The following SH3GL3 variants were observed in gnomAD, a reference collection of about 807,000 sequenced individuals.
SH3GL3 encodes the protein SH3 domain containing GRB2 like 3, endophilin A3, also known as endophilin-A3.
A neutral mutation model predicts 47.7 loss-of-function variants in SH3GL3; 33 were observed. That is an observed-to-expected ratio of 0.69 (90% CI 0.52 to 0.92). The LOEUF (loss-of-function observed/expected upper bound fraction) is 0.92. Among genes scored for constraint, SH3GL3 ranks in the 40% least tolerant of loss-of-function variants. The pLI is 0.00. For missense variants in SH3GL3, 363 were observed against 417.8 expected (o/e 0.87, Z 1.14); for synonymous variants, 155 against 148.8 (o/e 1.04, Z -0.30).
At chr15:83,522,207 G>C (rs187602022) in intron 1 of SH3GL3, among the ~76,000 whole-genome samples, 2 of 152,270 alleles carry the variant, frequency 1.3e-5, no homozygotes, top group Admixed American at 1.3e-4. Flanking sequence ...AGAGTTGAGG[G>C]AAGGGTTGAA....
intron 6 of SH3GL3, among the ~76,000 whole-genome samples, chr15:83,580,747 C>G (rs2059808509): frequency 6.6e-6 from 1 of 152,188 alleles, no homozygotes; most frequent in Non-Finnish European, 1.5e-5. Context: ...GCCCGCCTGT[C>G]TTACCACCCA....
intron 1 of SH3GL3, among the ~76,000 whole-genome samples, chr15:83,546,231 G>A (rs550762650): frequency 2.0e-5 from 3 of 151,592 alleles, no homozygotes; most frequent in South Asian, 2.1e-4. Context: ...TGGCTGAGCC[G>A]CTACCCAAGT....
intron 8 of SH3GL3, among the ~76,000 whole-genome samples, chr15:83,602,176 T>C (rs1315712179): frequency 6.6e-6 from 1 of 152,114 alleles, no homozygotes; most frequent in East Asian, 1.9e-4. Context: ...GGTTAGATAT[T>C]TCCTCTTACA....
At chr15:83,631,866 A>G in the SH3GL3 span, among the ~76,000 whole-genome samples, 1 of 152,210 alleles carries the variant, frequency 6.6e-6, no homozygotes, top group Admixed American at 6.5e-5. Context: ...TATTGCTTAT[A>G]CAAATTTCTG....
downstream of SH3GL3, among the ~76,000 whole-genome samples, chr15:83,623,051 T>G (rs2060919283): frequency 1.3e-5 from 2 of 152,238 alleles, no homozygotes; most frequent in African/African-American, 2.4e-5. Context: ...TCCTCTGCTA[T>G]TTCCCCCAGA....
chr15:83,607,153 T>G (rs960019958), intron 8 of SH3GL3, among the ~76,000 whole-genome samples: 1 of 152,230 alleles, frequency 6.6e-6, no homozygotes, highest in Non-Finnish European at 1.5e-5. Context: ...ATTTTGACTT[T>G]GCTGAAATGA....
rs910419812 is a variant in SH3GL3, at chr15:83,463,767, C to CTTTTT, written c.45+16204_45+16208dup. On this transcript the variant is annotated intron_variant, in intron 1 of 8. Transcript: ENST00000427482. Reference sequence around the variant, plus strand: ...TGTCCCATGTCTGCTTTCTTTCTTTCTTTTTTTTTTTTTTTTTTTGAGACA... The same window carrying CTTTTT: ...TGTCCCATGTCTGCTTTCTTTCTTTCTTTTTTTTTTTTTTTTTTTTTTTTGAGACA... Among the ~76,000 whole-genome samples, 47 of 122,902 alleles carry CTTTTT rather than the reference C, an allele frequency of 3.8e-4. 1 individual carries two copies. The highest frequency in any genetic ancestry group is 1.2e-3 in the African/African-American group (36 of 30,954). The allele number at this position is 122,902 out of a possible 152,430, so 80.6% of individuals were successfully genotyped here.
At chr15:83,575,618 G>T (rs187712905) in intron 5 of SH3GL3, among the ~76,000 whole-genome samples, 269 of 152,318 alleles carry the variant, frequency 1.8e-3, no homozygotes, top group Non-Finnish European at 3.1e-3. Flanking sequence ...TAGAGGTACA[G>T]AGGGATTAGG....
At chr15:83,623,555 GGCCTGCTACCATCTCACAGGCTGC>G (rs987511035), downstream of SH3GL3, among the ~76,000 whole-genome samples, 17 of 152,196 alleles carry the variant, frequency 1.1e-4, no homozygotes, top group African/African-American at 3.4e-4. Context: ...TCACAGGCTG[GGCCTGCTACCATCTCACAGGCTGC>G]GCCTGCTACC....
intron 1 of SH3GL3, among the ~76,000 whole-genome samples, chr15:83,552,135 G>T (rs563136040): frequency 2.6e-5 from 4 of 152,138 alleles, no homozygotes; most frequent in Non-Finnish European, 4.4e-5. Flanking sequence ...TTTCCAGTGG[G>T]CCTGTGAGAG....
At chr15:83,590,068 T>G (rs553711493) in intron 8 of SH3GL3, among the ~76,000 whole-genome samples, 1 of 152,332 alleles carries the variant, frequency 6.6e-6, no homozygotes, top group South Asian at 2.1e-4. Context: ...TGTATTTCCT[T>G]ATGTCTGAAT....
intron 1 of SH3GL3, among the ~76,000 whole-genome samples, chr15:83,508,805 A>G (rs2042625222): frequency 6.6e-6 from 1 of 152,184 alleles, no homozygotes; most frequent in Admixed American, 6.5e-5. Context: ...CATGTTGGCC[A>G]GGATGGTCTT....
At chr15:83,492,819 A>G (rs546818152) in intron 1 of SH3GL3, among the ~76,000 whole-genome samples, 1 of 152,098 alleles carries the variant, frequency 6.6e-6, no homozygotes, top group East Asian at 1.9e-4. Context: ...GCAGTAACGA[A>G]CCCTTTGTTG....
chr15:83,568,705 AGAAC>A, intron 4 of SH3GL3, 33 bp downstream of exon 4: 1 of 1,571,818 alleles, frequency 6.4e-7, no homozygotes, highest in Non-Finnish European at 8.8e-7. Flanking sequence ...GGGGGAGCTG[AGAAC>A]TCCTCCAGTA....
intron 1 of SH3GL3, among the ~76,000 whole-genome samples, chr15:83,465,044 A>T (rs2040502788): frequency 6.7e-6 from 1 of 149,996 alleles, no homozygotes; most frequent in African/African-American, 2.4e-5. Context: ...AAAACAGCTC[A>T]TGTGGGAAAA....
At chr15:83,571,435 C>A (rs2045812164) in intron 4 of SH3GL3, among the ~76,000 whole-genome samples, 1 of 152,152 alleles carries the variant, frequency 6.6e-6, no homozygotes, top group African/African-American at 2.4e-5. Flanking sequence ...ATTATTTAGA[C>A]ACACTTTGGA....
chr15:83,464,949 A>T (rs143339614), intron 1 of SH3GL3, among the ~76,000 whole-genome samples: 2 of 151,484 alleles, frequency 1.3e-5, no homozygotes, highest in African/African-American at 4.8e-5. Flanking sequence ...CATATGTAAC[A>T]AACCTGCACA....
At chr15:83,464,204 C>G (rs2040455510) in intron 1 of SH3GL3, among the ~76,000 whole-genome samples, 1 of 152,168 alleles carries the variant, frequency 6.6e-6, no homozygotes. Flanking sequence ...CTCTCAACAG[C>G]ATTTGACCCA....
Position 83,604,468 on chromosome 15 carries a change from TG to T in SH3GL3, c.839-13613del, listed in dbSNP as rs143885643. 0.013 allele frequency among the ~76,000 whole-genome samples: 1,999 copies of T among 152,266 alleles called. 195 individuals are homozygous for T. The East Asian group carries it at 0.27, about 21-fold the overall frequency. ...AGCCTTATAAAAATGAAAAGGTATT[TG>T]AATTAAAGTATCCCTTAAGGTCATA... On this transcript the variant is annotated intron_variant, in intron 8 of 8. Coordinates refer to ENST00000427482, the MANE Select transcript of SH3GL3 (RefSeq NM_003027.5).
Sources: allele counts gnomAD v4.1 joint callset (sites outside exome capture counted in the v4.1 genomes callset), GRCh38; gene constraint gnomAD v4.1.1; transcripts MANE v1.5; gene names NCBI Gene and HGNC (gene_info 2026-07-23, HGNC 2026-07-21).